ITGA8: variants seen among roughly 807,000 people sequenced by gnomAD.
ITGA8 encodes the protein integrin subunit alpha 8.
In ITGA8, 91 loss-of-function variants were observed where a neutral mutation model predicts 142.3. The observed-to-expected ratio is 0.64, with a 90% CI of 0.54 to 0.76. The LOEUF is 0.76. Ranked by LOEUF, ITGA8 falls within the 30% of genes least tolerant of loss-of-function variation. ITGA8 has a pLI of 0.00. For missense variants in ITGA8, 1,406 were observed against 1,327.7 expected, an observed-to-expected ratio of 1.06 and a Z score of -0.92; for synonymous variants, 505 against 485.2, an observed-to-expected ratio of 1.04 and a Z score of -0.54.
At chr10:15,548,419 GAGC>G (rs1211370245) in intron 27 of ITGA8, 33 bp downstream of exon 27, 6 of 1,385,730 alleles carry the variant, frequency 4.3e-6, no homozygotes, top group Non-Finnish European at 6.1e-6. Context: ...AGCTCCCAGT[GAGC>G]AGTGTGTATG....
At position 15,659,004 on chromosome 10, in the gene ITGA8, C is replaced by G. The variant is rs763572226; in HGVS notation, c.943G>C (p.Glu315Gln). The part of the protein sequence containing the change: ...DMTFIQNFTG[E>Q]QMASYFGYTV... Reference sequence around the variant, plus strand: ...TGATATTAAAATGTCTCTACCTGTTCTCCCGTGAAATTCTGAATAAACGTC... The same window carrying G: ...TGATATTAAAATGTCTCTACCTGTTGTCCCGTGAAATTCTGAATAAACGTC... The change falls in exon 10 of 30, where the codon GAA becomes CAA. Residue 315 changes from glutamate to glutamine, a missense_variant. Coordinates refer to ENST00000378076, the MANE Select transcript of ITGA8 (RefSeq NM_003638.3). The G allele has an allele frequency of 5.3e-5, 85 of 1,594,036 alleles. No homozygotes were observed. Among genetic ancestry groups the G allele is most frequent in the Middle Eastern group, 5.0e-4 (3 of 6,034 alleles).
intron 15 of ITGA8, among the ~76,000 whole-genome samples, chr10:15,611,308 C>T (rs937856142): frequency 6.6e-6 from 1 of 152,122 alleles, no homozygotes; most frequent in Non-Finnish European, 1.5e-5. Context: ...GAAAATAAGA[C>T]TTCTTCCAGA....
At chr10:15,537,688 G>C (rs1393918537) in intron 27 of ITGA8, among the ~76,000 whole-genome samples, 1 of 152,162 alleles carries the variant, frequency 6.6e-6, no homozygotes, top group Non-Finnish European at 1.5e-5. Flanking sequence ...TAGGAGTCCT[G>C]CCTCATTGAA....
At chr10:15,638,523 T>G (rs1006700835) in intron 13 of ITGA8, among the ~76,000 whole-genome samples, 2 of 152,196 alleles carry the variant, frequency 1.3e-5, no homozygotes, top group Non-Finnish European at 2.9e-5. Context: ...ACAGAGCTGC[T>G]AAGCATTTTG....
rs1379429507 is a variant in ITGA8 at position 15,593,807 on chromosome 10, A to G, written c.2212-1503T>C. On this transcript the variant is annotated intron_variant, in intron 21 of 29. Transcript: ENST00000378076. ...AAGTATCACAGCTGGTATAGCTAGTATTTAATGCTAAGGCATTACGCCCCA... is the reference window on the plus strand; with the variant it reads ...AAGTATCACAGCTGGTATAGCTAGTGTTTAATGCTAAGGCATTACGCCCCA... Among the ~76,000 whole-genome samples the G allele has an allele frequency of 4.7e-5, 7 of 150,378 alleles. No individual in the cohort carries two copies. The South Asian group carries it at 1.3e-3, about 27-fold the overall frequency.
chr10:15,561,472 A>G (rs1392159639), intron 25 of ITGA8, among the ~76,000 whole-genome samples: 1 of 152,106 alleles, frequency 6.6e-6, no homozygotes, highest in Non-Finnish European at 1.5e-5. Context: ...ATGAGAAATG[A>G]AAAAGTAGAG....
intron 14 of ITGA8, among the ~76,000 whole-genome samples, chr10:15,615,745 C>T (rs763778440): frequency 3.3e-5 from 5 of 152,108 alleles, no homozygotes; most frequent in Non-Finnish European, 1.5e-5. Context: ...AATGCCTGAC[C>T]TCAAGTGATC....
intron 27 of ITGA8, among the ~76,000 whole-genome samples, chr10:15,538,766 A>G (rs1178624259): frequency 6.6e-6 from 1 of 152,116 alleles, no homozygotes; most frequent in Non-Finnish European, 1.5e-5. Flanking sequence ...TAATAAATGC[A>G]TGCCAACAAA....
Position 15,613,649 on chromosome 10 carries a change from G to A in ITGA8, c.1553+11C>T, listed in dbSNP as rs771037461. 3.2e-6 allele frequency: 5 copies of A among 1,556,236 alleles called. No individual in the cohort carries two copies. Among genetic ancestry groups the A allele is most frequent in the Non-Finnish European group, 4.4e-6 (5 of 1,127,712 alleles). On this transcript the variant is annotated intron_variant, in intron 15 of 29. Coordinates refer to ENST00000378076, the MANE Select transcript of ITGA8 (RefSeq NM_003638.3). ...TCACATTGGAGTTTGAGAAGCACCG[G>A]ACTAACTCACCAGGCAGCAGATGTC... is the stretch of plus-strand genomic sequence containing the variant.
chr10:15,556,702 A>T (rs559885383), intron 26 of ITGA8, among the ~76,000 whole-genome samples: 38 of 152,346 alleles, frequency 2.5e-4, no homozygotes, highest in Admixed American at 1.6e-3. Flanking sequence ...TCTTTGCATT[A>T]CAAAATGTTC....
chr10:15,552,287 C>T (rs1833805036), intron 26 of ITGA8, among the ~76,000 whole-genome samples: 1 of 152,258 alleles, frequency 6.6e-6, no homozygotes, highest in Admixed American at 6.5e-5. Context: ...CAGGCGTCCG[C>T]CACCAGGCCT....
intron 8 of ITGA8, among the ~76,000 whole-genome samples, chr10:15,664,125 T>C (rs1387723568): frequency 2.0e-5 from 3 of 152,150 alleles, no homozygotes; most frequent in Admixed American, 2.0e-4. Flanking sequence ...AGGTAGACAA[T>C]ACTATTAGCT....
intron 25 of ITGA8, among the ~76,000 whole-genome samples, chr10:15,568,030 A>T (rs1455465423): frequency 6.6e-6 from 1 of 152,148 alleles, no homozygotes; most frequent in Non-Finnish European, 1.5e-5. Context: ...CTCCTTTCTC[A>T]GTCTCCTGAG....
chr10:15,716,823 C>T (rs570890877), intron 2 of ITGA8, among the ~76,000 whole-genome samples: 6 of 151,980 alleles, frequency 3.9e-5, no homozygotes, highest in East Asian at 1.9e-4. Context: ...CCCTTAGGCC[C>T]GGCTGATTTT....
At chr10:15,611,073 G>C (rs929598409) in intron 15 of ITGA8, among the ~76,000 whole-genome samples, 2 of 152,162 alleles carry the variant, frequency 1.3e-5, no homozygotes, top group Non-Finnish European at 2.9e-5. Context: ...TTGCCAAGTA[G>C]AGTTTATGTG....
chr10:15,610,045 CTCTT>C (rs1833264134), intron 15 of ITGA8, among the ~76,000 whole-genome samples: 1 of 152,098 alleles, frequency 6.6e-6, no homozygotes, highest in South Asian at 2.1e-4. Flanking sequence ...TCTTAGCTCA[CTCTT>C]TCTGTTTTCT....
At chr10:15,560,340 G>T (rs4750676) in intron 25 of ITGA8, among the ~76,000 whole-genome samples, 42,956 of 152,044 alleles carry the variant, frequency 0.28, 6,500 homozygotes, top group Non-Finnish European at 0.34. Flanking sequence ...AGGACAGATT[G>T]GTGGAGGTGG....
chr10:15,681,463 G>T (rs1834735901), intron 4 of ITGA8, among the ~76,000 whole-genome samples: 1 of 152,208 alleles, frequency 6.6e-6, no homozygotes. Flanking sequence ...TTCTGTCTTT[G>T]TTGAGCTGTT....
At chr10:15,635,533 A>G (rs908534526) in intron 13 of ITGA8, among the ~76,000 whole-genome samples, 11 of 152,290 alleles carry the variant, frequency 7.2e-5, no homozygotes, top group African/African-American at 2.6e-4. Flanking sequence ...TCTAGAACTC[A>G]GGCCTTTTCA....
Sources: gnomAD v4.1 joint callset for allele counts (sites outside exome capture counted in the v4.1 genomes callset) on GRCh38, gnomAD v4.1.1 for gene constraint, MANE v1.5 for transcripts, NCBI Gene and HGNC (gene_info 2026-07-23, HGNC 2026-07-21) for gene names.